The following KCNN2 variants were observed in gnomAD, a reference collection of about 807,000 sequenced individuals.
KCNN2 encodes small conductance calcium-activated potassium channel protein 2.
KCNN2 carries 24 observed loss-of-function variants against 55.5 expected under a neutral mutation model. That is an observed-to-expected ratio of 0.43 (90% confidence interval 0.31 to 0.61). The LOEUF (loss-of-function observed/expected upper bound fraction) is 0.61. Ranked by LOEUF, KCNN2 falls within the 20% of genes least tolerant of loss-of-function variation. The probability of loss-of-function intolerance (pLI) is 0.08; values close to 1 mark genes in which losing one functional copy is unlikely to be tolerated. For missense variants in KCNN2, 754 were observed against 853.6 expected (o/e 0.88, Z 1.45); for synonymous variants, 431 against 336.1 (o/e 1.28, Z -3.09).
chr5:114,463,263 A>ATAAG (rs1321606202), intron 4 of KCNN2, 73 bp downstream of exon 4: 1 of 1,195,546 alleles, frequency 8.4e-7, no homozygotes, highest in Non-Finnish European at 1.2e-6. Context: ...GTCCACGTGC[A>ATAAG]TAAGTAATTG....
At chr5:114,326,704 A>G (rs1253640958) in intron 2 of KCNN2, among the ~76,000 whole-genome samples, 1 of 152,224 alleles carries the variant, frequency 6.6e-6, no homozygotes, top group Non-Finnish European at 1.5e-5. Flanking sequence ...GAAGCATTCC[A>G]GTAAAGGATT....
intron 1 of KCNN2, among the ~76,000 whole-genome samples, chr5:114,199,250 T>A (rs1167727667): frequency 6.6e-6 from 1 of 152,136 alleles, no homozygotes; most frequent in East Asian, 1.9e-4. Flanking sequence ...TCTTGATCAC[T>A]TTGGTGTTCC....
At chr5:114,083,806 C>G (rs1750954967) in intron 1 of KCNN2, among the ~76,000 whole-genome samples, 2 of 152,056 alleles carry the variant, frequency 1.3e-5, no homozygotes, top group Admixed American at 6.6e-5. Context: ...ATGATAGTTT[C>G]ACTGCCCTAA....
rs1761912264 is a variant in KCNN2 at position 114,475,167 on chromosome 5, A to T, written c.1890+2003A>T. On this transcript the variant is annotated intron_variant, in intron 5 of 7. Coordinates refer to ENST00000673685, the MANE Select transcript of KCNN2 (RefSeq NM_021614.4). ...CACCTTTGATAAAAATTTTTTTATG[A>T]AGTTCACCGAGGTCAACCAGTTTCA... Among the ~76,000 whole-genome samples the T allele has an allele frequency of 3.9e-5, 6 of 152,264 alleles. No homozygotes were observed. In the South Asian group the frequency reaches 1.2e-3, roughly 32 times the overall value.
At chr5:114,221,000 T>C (rs1443602068) in intron 1 of KCNN2, among the ~76,000 whole-genome samples, 3 of 152,238 alleles carry the variant, frequency 2.0e-5, no homozygotes, top group African/African-American at 7.2e-5. Flanking sequence ...ACAGTTCTCA[T>C]ACAGTGACCC....
intron 2 of KCNN2, among the ~76,000 whole-genome samples, chr5:114,342,205 A>AT (rs11427618): frequency 0.41 from 61,959 of 150,688 alleles, 13,443 homozygotes; most frequent in East Asian, 0.84. Flanking sequence ...CCGGCCCATA[A>AT]TTTTTTTTTT....
intron 1 of KCNN2, among the ~76,000 whole-genome samples, chr5:114,219,837 T>A (rs1460958556): frequency 1.3e-5 from 2 of 152,154 alleles, no homozygotes; most frequent in African/African-American, 4.8e-5. Context: ...CTTTAAAGTC[T>A]ATCAAAAATA....
At chr5:114,423,278 C>A (rs1261597223) in intron 3 of KCNN2, among the ~76,000 whole-genome samples, 3 of 152,118 alleles carry the variant, frequency 2.0e-5, no homozygotes, top group African/African-American at 7.2e-5. Context: ...TTTTAAGGTT[C>A]ATTTCTCATG....
At chr5:114,113,543 G>A (rs1751647536) in intron 1 of KCNN2, among the ~76,000 whole-genome samples, 1 of 152,060 alleles carries the variant, frequency 6.6e-6, no homozygotes, top group African/African-American at 2.4e-5. Context: ...TCTGACGTTA[G>A]CTTTTCTTAA....
intron 1 of KCNN2, among the ~76,000 whole-genome samples, chr5:114,087,771 CTTTGT>C (rs952573381): frequency 6.6e-5 from 10 of 151,754 alleles, no homozygotes; most frequent in Admixed American, 5.9e-4. Context: ...TTATCAACTG[CTTTGT>C]TTTATTTTTT....
intron 2 of KCNN2, among the ~76,000 whole-genome samples, chr5:114,291,885 A>C (rs745856412): frequency 1.5e-4 from 23 of 151,888 alleles, no homozygotes; most frequent in Non-Finnish European, 2.8e-4. Flanking sequence ...TTGCCATTCT[A>C]ACTGGTGTGA....
chr5:114,180,474 C>T (rs976512487), intron 1 of KCNN2, among the ~76,000 whole-genome samples: 1 of 151,890 alleles, frequency 6.6e-6, no homozygotes, highest in Non-Finnish European at 1.5e-5. Flanking sequence ...TGCTTTTAAT[C>T]AACTTCTTGT....
intron 1 of KCNN2, among the ~76,000 whole-genome samples, chr5:114,123,858 T>C (rs543030971): frequency 6.6e-6 from 1 of 152,340 alleles, no homozygotes; most frequent in East Asian, 1.9e-4. Context: ...GGACTCCCTG[T>C]GCAGCCACCT....
intron 3 of KCNN2, among the ~76,000 whole-genome samples, chr5:114,410,479 A>G (rs1759097891): frequency 6.6e-6 from 1 of 152,158 alleles, no homozygotes; most frequent in Non-Finnish European, 1.5e-5. Context: ...CTCAAGAGGG[A>G]AAAAGAGTAT....
chr5:114,357,396 C>A (rs1236564140), upstream of KCNN2, among the ~76,000 whole-genome samples: 3 of 139,184 alleles, frequency 2.2e-5, no homozygotes, highest in Non-Finnish European at 4.7e-5. Context: ...TGCGCTGCAC[C>A]CACTAACTCG....
intron 1 of KCNN2, among the ~76,000 whole-genome samples, chr5:114,114,931 G>C (rs990677048): frequency 2.0e-5 from 3 of 152,252 alleles, no homozygotes; most frequent in East Asian, 3.9e-4. Flanking sequence ...TTCTCAGGAG[G>C]TGTTTGCTAA....
chr5:114,074,293 CG>C (rs1750637776), intron 1 of KCNN2, among the ~76,000 whole-genome samples: 1 of 144,510 alleles, frequency 6.9e-6, no homozygotes, highest in Non-Finnish European at 1.5e-5. Context: ...GCCATGTTTG[CG>C]TGTGTGTGTG....
At chr5:114,463,255 C>A in intron 4 of KCNN2, 65 bp downstream of exon 4, 1 of 1,281,984 alleles carries the variant, frequency 7.8e-7, no homozygotes, top group South Asian at 1.4e-5. Flanking sequence ...ACCACTCAGT[C>A]CACGTGCATA....
chr5:114,367,254 C>T (rs1757628158), intron 2 of KCNN2, among the ~76,000 whole-genome samples: 1 of 152,186 alleles, frequency 6.6e-6, no homozygotes, highest in African/African-American at 2.4e-5. Flanking sequence ...GCTTTGGTGT[C>T]ATTTTTCAGT....
Sources: allele counts gnomAD v4.1 joint callset (sites outside exome capture counted in the v4.1 genomes callset), GRCh38; gene constraint gnomAD v4.1.1; transcripts MANE v1.5; gene names NCBI Gene and HGNC (gene_info 2026-07-23, HGNC 2026-07-21).